The following ZNF804B variants were observed in gnomAD, a reference collection of about 807,000 sequenced individuals.
ZNF804B encodes zinc finger 804B.
A neutral mutation model predicts 101.4 loss-of-function variants in ZNF804B; 80 were observed. That is an observed-to-expected ratio of 0.79 (90% CI 0.66 to 0.95). The LOEUF is 0.95. Ranked by LOEUF, ZNF804B falls within the 40% of genes least tolerant of loss-of-function variation. The pLI is 0.00. For missense variants in ZNF804B, 1,673 were observed against 1,561.9 expected, an observed-to-expected ratio of 1.07 and a Z score of -1.20; for synonymous variants, 622 against 558.8, an observed-to-expected ratio of 1.11 and a Z score of -1.59.
At chr7:89,164,294 C>G (rs1439202778) in intron 1 of ZNF804B, among the ~76,000 whole-genome samples, 3 of 152,008 alleles carry the variant, frequency 2.0e-5, no homozygotes, top group Admixed American at 6.6e-5. Flanking sequence ...TTGAGAAACA[C>G]TAAACTCAGC....
At chr7:89,152,683 A>G (rs778078897) in intron 1 of ZNF804B, among the ~76,000 whole-genome samples, 22 of 152,164 alleles carry the variant, frequency 1.4e-4, no homozygotes, top group Non-Finnish European at 3.2e-4. Context: ...AATTCTTTTT[A>G]AAATAAAATA....
intron 1 of ZNF804B, among the ~76,000 whole-genome samples, chr7:88,934,247 T>G (rs1047033456): frequency 6.6e-6 from 1 of 151,958 alleles, no homozygotes; most frequent in Non-Finnish European, 1.5e-5. Flanking sequence ...ATCTCTCACT[T>G]TTTACAAAAA....
intron 1 of ZNF804B, among the ~76,000 whole-genome samples, chr7:88,907,707 C>T (rs915636487): frequency 1.3e-5 from 2 of 151,844 alleles, no homozygotes; most frequent in African/African-American, 4.8e-5. Context: ...TCATCATGTT[C>T]TAAGCCATTA....
intron 1 of ZNF804B, among the ~76,000 whole-genome samples, chr7:89,162,591 T>A (rs915256998): frequency 9.1e-6 from 1 of 109,582 alleles, no homozygotes. Context: ...ATTTGTTGGG[T>A]TGAACTTTTT....
At chr7:89,080,158 G>A (rs1000500683) in intron 1 of ZNF804B, among the ~76,000 whole-genome samples, 2 of 151,830 alleles carry the variant, frequency 1.3e-5, no homozygotes, top group Non-Finnish European at 2.9e-5. Flanking sequence ...GGGCAGTGGT[G>A]GTGGTGACAG....
At chr7:89,143,708 G>A (rs1416341520) in intron 1 of ZNF804B, among the ~76,000 whole-genome samples, 1 of 151,834 alleles carries the variant, frequency 6.6e-6, no homozygotes, top group Non-Finnish European at 1.5e-5. Context: ...GTTCTGATAG[G>A]AACTCTCTTC....
intron 2 of ZNF804B, among the ~76,000 whole-genome samples, chr7:89,290,450 T>C (rs769080602): frequency 5.9e-5 from 9 of 152,152 alleles, no homozygotes; most frequent in Non-Finnish European, 1.2e-4. Context: ...TTGATGGCAT[T>C]TTCTGGGCCT....
chr7:89,333,353 G>GT lies in ZNF804B; in HGVS notation c.381-9dup, dbSNP rs1791015246. The stretch of plus-strand genomic sequence containing the variant: ...TCTCTTAATCATTTAAATATTTATT[G>GT]TATTTACAGTGTTTCTGGAAATGGA... On this transcript the variant is annotated splice_polypyrimidine_tract_variant and intron_variant, in intron 3 of 3. Transcript: ENST00000333190. The GT allele has an allele frequency of 1.3e-6, 2 of 1,562,532 alleles. No homozygotes were observed. The highest frequency in any genetic ancestry group is 1.7e-6 in the Non-Finnish European group (2 of 1,159,358).
intron 1 of ZNF804B, among the ~76,000 whole-genome samples, chr7:88,910,766 C>T (rs984896375): frequency 4.6e-5 from 7 of 151,798 alleles, no homozygotes; most frequent in East Asian, 1.9e-4. Context: ...CCAATGCAAG[C>T]GTGATTGAAG....
At chr7:88,976,890 T>TTG (rs1793621567) in intron 1 of ZNF804B, among the ~76,000 whole-genome samples, 2 of 151,714 alleles carry the variant, frequency 1.3e-5, no homozygotes, top group African/African-American at 4.8e-5. Context: ...ATGGCTTTCT[T>TTG]TGTGTGTGGT....
chr7:89,301,110 T>G (rs865860455), intron 2 of ZNF804B, among the ~76,000 whole-genome samples: 2,702 of 149,258 alleles, frequency 0.018, 63 homozygotes, highest in African/African-American at 0.063. Context: ...TTTTTTTTTT[T>G]TTTTTTTTTT....
chr7:88,975,856 G>A (rs10228160), intron 1 of ZNF804B, among the ~76,000 whole-genome samples: 55,877 of 151,352 alleles, frequency 0.37, 12,542 homozygotes, highest in African/African-American at 0.64. Flanking sequence ...ACCAAATCCA[G>A]TGTCCTGCAG....
At chr7:89,296,276 C>G (rs1451179497) in intron 2 of ZNF804B, among the ~76,000 whole-genome samples, 4 of 152,030 alleles carry the variant, frequency 2.6e-5, no homozygotes, top group Non-Finnish European at 5.9e-5. Flanking sequence ...AAATCTCTAT[C>G]TATTGATGAT....
chr7:89,067,828 C>CTTTTTTT, intron 1 of ZNF804B, among the ~76,000 whole-genome samples: 1 of 132,810 alleles, frequency 7.5e-6, no homozygotes, highest in Non-Finnish European at 1.6e-5. Flanking sequence ...CTTTTCTTTT[C>CTTTTTTT]TTTTTTTTTT....
At chr7:89,310,085 CAAAA>C (rs35079487) in intron 2 of ZNF804B, among the ~76,000 whole-genome samples, 2 of 123,028 alleles carry the variant, frequency 1.6e-5, no homozygotes, top group Non-Finnish European at 3.5e-5. Context: ...GTTTTTAAGG[CAAAA>C]AAAAAAAAAA....
intron 1 of ZNF804B, among the ~76,000 whole-genome samples, chr7:89,118,887 G>C (rs778777284): frequency 1.8e-4 from 28 of 152,306 alleles, no homozygotes; most frequent in Non-Finnish European, 3.1e-4. Flanking sequence ...GATGAGGTCA[G>C]TGATAATGGC....
intron 1 of ZNF804B, among the ~76,000 whole-genome samples, chr7:88,877,751 G>T (rs1413037849): frequency 6.6e-6 from 1 of 151,926 alleles, no homozygotes; most frequent in African/African-American, 2.4e-5. Flanking sequence ...TTAAATACAT[G>T]TTTGCTGTTA....
intron 1 of ZNF804B, among the ~76,000 whole-genome samples, chr7:88,798,261 T>C (rs1330774500): frequency 6.6e-6 from 1 of 152,096 alleles, no homozygotes; most frequent in Non-Finnish European, 1.5e-5. Flanking sequence ...TTTCCTTTTA[T>C]TTCATATATC....
At chr7:89,165,775 T>A (rs190251513) in intron 1 of ZNF804B, among the ~76,000 whole-genome samples, 111 of 152,210 alleles carry the variant, frequency 7.3e-4, no homozygotes, top group African/African-American at 2.5e-3. Flanking sequence ...TCAACTTGGT[T>A]CAACTTTTCT....
Sources: allele counts gnomAD v4.1 joint callset (sites outside exome capture counted in the v4.1 genomes callset), GRCh38; gene constraint gnomAD v4.1.1; transcripts MANE v1.5; gene names NCBI Gene and HGNC (gene_info 2026-07-23, HGNC 2026-07-21).